ST3GAL3: variants seen among roughly 807,000 people sequenced by gnomAD.
ST3GAL3 encodes the protein CMP-N-acetylneuraminate-beta-1,4-galactoside alpha-2,3-sialyltransferase.
ST3GAL3 carries 21 observed loss-of-function variants against 50.1 expected under a neutral mutation model. The ratio of observed to expected loss-of-function variants is 0.42; its 90% confidence interval spans 0.30 to 0.60. ST3GAL3 has a LOEUF of 0.60. Among genes scored for constraint, ST3GAL3 ranks in the 20% least tolerant of loss-of-function variants. ST3GAL3 has a pLI of 0.19. For synonymous variants in ST3GAL3, 183 were observed against 190.0 expected (o/e 0.96, Z 0.30); for missense variants, 353 against 489.4 (o/e 0.72, Z 2.63).
In ST3GAL3 at chr1:43,763,373, C is replaced by T. The variant is rs181738129; in HGVS notation, c.118+26993C>T. ...CTGGTTGTTATATTCCTTACAATTA[C>T]GAGATACTGGGTTCTTGGGTTTGTT... On this transcript the variant is annotated intron_variant, in intron 2 of 11. Coordinates refer to ENST00000347631, the MANE Select transcript of ST3GAL3 (RefSeq NM_006279.5). Among the ~76,000 whole-genome samples, 290 of 152,166 alleles carry T rather than the reference C, an allele frequency of 1.9e-3. 1 individual carries two copies. The highest frequency in any genetic ancestry group is 6.7e-3 in the African/African-American group (278 of 41,490).
At chr1:43,920,180 A>G (rs1035295363) in intron 9 of ST3GAL3, 1 of 599,534 alleles carries the variant, frequency 1.7e-6, no homozygotes, top group Non-Finnish European at 3.0e-6. Context: ...CCTCTGTTAC[A>G]CACTGGAGCC....
At chr1:43,905,931 CCCCTCCTCCT>C in intron 9 of ST3GAL3, among the ~76,000 whole-genome samples, 1 of 114,404 alleles carries the variant, frequency 8.7e-6, no homozygotes, top group Non-Finnish European at 1.9e-5. Context: ...ACCACTCTTC[CCCCTCCTCCT>C]CCTGCTCCTC....
chr1:43,740,337 C>CAAAA (rs879854207), intron 2 of ST3GAL3, among the ~76,000 whole-genome samples: 2 of 77,486 alleles, frequency 2.6e-5, no homozygotes, highest in African/African-American at 9.4e-5. Context: ...GACTCAGTCT[C>CAAAA]AAAAAAAAAA....
chr1:43,777,492 ATCT>A (rs945731445), intron 2 of ST3GAL3, among the ~76,000 whole-genome samples: 8 of 152,330 alleles, frequency 5.3e-5, no homozygotes, highest in Middle Eastern at 3.4e-3. Context: ...CAACCATCTG[ATCT>A]TCTACAAACC....
chr1:43,855,891 C>G (rs2068264626), intron 5 of ST3GAL3, among the ~76,000 whole-genome samples: 1 of 151,882 alleles, frequency 6.6e-6, no homozygotes, highest in South Asian at 2.1e-4. Context: ...AACAGGTATA[C>G]TAACGACAGG....
At chr1:43,924,696 G>A (rs1557585045) in intron 11 of ST3GAL3, among the ~76,000 whole-genome samples, 1 of 152,320 alleles carries the variant, frequency 6.6e-6, no homozygotes, top group East Asian at 1.9e-4. Context: ...GAGAGGTGAT[G>A]AGAGAGGCGA....
Position 43,850,774 on chromosome 1 carries a change from C to G in ST3GAL3, c.302+12463C>G. 6 of 848,230 alleles carry G rather than the reference C, an allele frequency of 7.1e-6. No individual in the cohort carries two copies. The South Asian group carries it at 8.0e-5, about 11-fold the overall frequency. 52.5% of individuals were successfully genotyped at this position (848,230 alleles called of 1,614,324 possible). On this transcript the variant is annotated intron_variant, in intron 5 of 11. Coordinates refer to ENST00000347631, the MANE Select transcript of ST3GAL3 (RefSeq NM_006279.5). ...TTGGCCACCACATGGTGCTGATAAA[C>G]TTCAAATTCCAGAGTCATAGCTTGC...
chr1:43,857,302 G>A (rs572016406), intron 5 of ST3GAL3, among the ~76,000 whole-genome samples: 2 of 152,042 alleles, frequency 1.3e-5, no homozygotes, highest in African/African-American at 2.4e-5. Context: ...TAAGGTTTTT[G>A]AAAACATTTA....
chr1:43,931,019 C>G lies in ST3GAL3; in HGVS notation c.*798C>G, dbSNP rs1063216. 6.5e-6 allele frequency: 1 copy of G among 153,012 alleles called. No homozygotes were observed. The highest frequency in any genetic ancestry group is 2.4e-5 in the African/African-American group (1 of 41,466). The allele number at this position is 153,012 out of a possible 1,614,324, so 9.5% of individuals were successfully genotyped here. ...CGGACTCACCAACTTGCCACATGTT[C>G]TAGGTTTCAGCAACAAGACTGCCAG... On this transcript the variant is annotated 3_prime_UTR_variant, in exon 12 of 12. Coordinates refer to ENST00000347631, the MANE Select transcript of ST3GAL3 (RefSeq NM_006279.5).
At chr1:43,749,079 A>G (rs760893093) in intron 2 of ST3GAL3, among the ~76,000 whole-genome samples, 8 of 152,214 alleles carry the variant, frequency 5.3e-5, no homozygotes, top group South Asian at 2.1e-4. Flanking sequence ...AATTTTGATA[A>G]AAGTAATAAC....
intron 1 of ST3GAL3, among the ~76,000 whole-genome samples, chr1:43,717,876 T>A (rs997278306): frequency 2.6e-5 from 4 of 152,074 alleles, no homozygotes; most frequent in Non-Finnish European, 4.4e-5. Flanking sequence ...CATGAATTTT[T>A]TTTTTTTTTA....
intron 4 of ST3GAL3, among the ~76,000 whole-genome samples, chr1:43,815,568 T>A (rs2061132758): frequency 6.6e-6 from 1 of 152,126 alleles, no homozygotes; most frequent in African/African-American, 2.4e-5. Context: ...ACTAATTTTT[T>A]AAGGGCACAG....
chr1:43,911,607 A>T, intron 9 of ST3GAL3, among the ~76,000 whole-genome samples: 1 of 132,424 alleles, frequency 7.6e-6, no homozygotes, highest in Non-Finnish European at 1.7e-5. Flanking sequence ...GTAGCTATAG[A>T]TATCTACAGA....
chr1:43,797,985 G>A (rs2058875995), intron 3 of ST3GAL3, among the ~76,000 whole-genome samples: 1 of 152,174 alleles, frequency 6.6e-6, no homozygotes, highest in South Asian at 2.1e-4. Context: ...GCAGCTTCCC[G>A]AAACCAAATA....
chr1:43,734,535 C>G (rs546552775), intron 1 of ST3GAL3, among the ~76,000 whole-genome samples: 4 of 152,076 alleles, frequency 2.6e-5, no homozygotes, highest in Non-Finnish European at 5.9e-5. Context: ...GCCTCAAACT[C>G]CAGGGCTCAA....
chr1:43,845,902 C>A (rs1048229489), intron 5 of ST3GAL3, among the ~76,000 whole-genome samples: 6 of 152,026 alleles, frequency 3.9e-5, no homozygotes, highest in African/African-American at 1.4e-4. Context: ...CCTATTAGTT[C>A]TTTGGAAGTG....
chr1:43,752,374 G>T (rs1558144377), intron 2 of ST3GAL3, among the ~76,000 whole-genome samples: 1 of 152,142 alleles, frequency 6.6e-6, no homozygotes, highest in South Asian at 2.1e-4. Context: ...TTAACTAAAG[G>T]TTTCCTGTCT....
intron 2 of ST3GAL3, chr1:43,736,592 C>A: frequency 2.5e-6 from 2 of 803,446 alleles, no homozygotes; most frequent in Non-Finnish European, 4.1e-6. Flanking sequence ...TGACAAATCT[C>A]AGTTCCTTTT....
chr1:43,760,491 C>G (rs777350031), intron 2 of ST3GAL3, among the ~76,000 whole-genome samples: 63 of 152,366 alleles, frequency 4.1e-4, no homozygotes, highest in Non-Finnish European at 7.5e-4. Context: ...CGCAGTGGCT[C>G]ACGCCTGTAA....
Sources: gnomAD v4.1 joint callset for allele counts (sites outside exome capture counted in the v4.1 genomes callset) on GRCh38, gnomAD v4.1.1 for gene constraint, MANE v1.5 for transcripts, NCBI Gene and HGNC (gene_info 2026-07-23, HGNC 2026-07-21) for gene names.